Variants in PRKG1 observed in about 807,000 individuals in gnomAD.
The protein encoded by PRKG1 is cGMP-dependent protein kinase 1.
PRKG1 carries 35 observed loss-of-function variants against 88.1 expected under a neutral mutation model. The ratio of observed to expected loss-of-function variants is 0.40; its 90% CI spans 0.30 to 0.53. The LOEUF (loss-of-function observed/expected upper bound fraction) is 0.53. Ranked by LOEUF, PRKG1 falls within the 20% of genes least tolerant of loss-of-function variation. The probability of loss-of-function intolerance (pLI) is 0.59; values close to 1 mark genes in which losing one functional copy is unlikely to be tolerated. For synonymous variants in PRKG1, 303 were observed against 292.5 expected (o/e 1.04, Z -0.37); for missense variants, 540 against 839.8 (o/e 0.64, Z 4.41).
intron 1 of PRKG1, among the ~76,000 whole-genome samples, chr10:51,040,957 A>G (rs1467739954): frequency 6.6e-6 from 1 of 151,578 alleles, no homozygotes; most frequent in Admixed American, 6.7e-5. Flanking sequence ...TTCCTTTCCA[A>G]TTTGATGCCT....
chr10:52,156,594 G>A (rs1393320959), intron 8 of PRKG1, among the ~76,000 whole-genome samples: 1 of 151,692 alleles, frequency 6.6e-6, no homozygotes, highest in South Asian at 2.1e-4. Flanking sequence ...TTATTTGGGG[G>A]TAATTTTTTC....
At chr10:52,002,872 T>C (rs1411222238) in intron 5 of PRKG1, among the ~76,000 whole-genome samples, 1 of 152,170 alleles carries the variant, frequency 6.6e-6, no homozygotes, top group East Asian at 1.9e-4. Flanking sequence ...CCAATTAAAA[T>C]ATTTTTTTTT....
chr10:52,151,001 G>C (rs1837897841), intron 8 of PRKG1, among the ~76,000 whole-genome samples: 1 of 110,134 alleles, frequency 9.1e-6, no homozygotes, highest in Non-Finnish European at 2.0e-5. Flanking sequence ...TTTGTTTTTA[G>C]ACAATTTTGA....
At chr10:51,949,459 A>AATAT (rs145622381) in intron 5 of PRKG1, among the ~76,000 whole-genome samples, 3 of 150,376 alleles carry the variant, frequency 2.0e-5, no homozygotes, top group African/African-American at 7.3e-5. Context: ...TAAATAAATA[A>AATAT]ATATATATAT....
intron 1 of PRKG1, among the ~76,000 whole-genome samples, chr10:51,035,616 C>T (rs978701326): frequency 1.1e-4 from 17 of 152,238 alleles, no homozygotes; most frequent in South Asian, 8.3e-4. Context: ...CAGCACCTAG[C>T]GCAATCCTTT....
intron 3 of PRKG1, among the ~76,000 whole-genome samples, chr10:51,614,182 A>G (rs1838984987): frequency 6.6e-6 from 1 of 151,920 alleles, no homozygotes; most frequent in Non-Finnish European, 1.5e-5. Context: ...TGTTTGGTGC[A>G]TACATATTTT....
At chr10:51,134,291 G>A (rs1156841462) in intron 1 of PRKG1, among the ~76,000 whole-genome samples, 6 of 152,060 alleles carry the variant, frequency 3.9e-5, no homozygotes, top group African/African-American at 9.7e-5. Flanking sequence ...GGGGAGTTTC[G>A]TCATTACTTC....
chr10:51,575,342 A>C (rs938755263), intron 3 of PRKG1, among the ~76,000 whole-genome samples: 2 of 151,952 alleles, frequency 1.3e-5, no homozygotes, highest in African/African-American at 4.8e-5. Context: ...GACCAACACC[A>C]CACTGCAGTT....
intron 3 of PRKG1, among the ~76,000 whole-genome samples, chr10:51,538,412 T>C (rs976534623): frequency 9.4e-5 from 14 of 148,542 alleles, no homozygotes; most frequent in Non-Finnish European, 1.9e-4. Context: ...TACATATACA[T>C]ATAATATATG....
At chr10:51,261,710 T>C (rs886265329) in intron 2 of PRKG1, among the ~76,000 whole-genome samples, 2 of 147,618 alleles carry the variant, frequency 1.4e-5, no homozygotes, top group Non-Finnish European at 3.0e-5. Flanking sequence ...TTCTCATCAT[T>C]CTCTGAAGCA....
intron 2 of PRKG1, among the ~76,000 whole-genome samples, chr10:51,434,351 C>A (rs1838861445): frequency 1.3e-5 from 2 of 152,080 alleles, no homozygotes; most frequent in African/African-American, 4.8e-5. Flanking sequence ...TGAAAGGGGG[C>A]AAACTGCACC....
chr10:51,363,357 C>G (rs1449722128), intron 2 of PRKG1, among the ~76,000 whole-genome samples: 1 of 151,928 alleles, frequency 6.6e-6, no homozygotes. Context: ...CTTTTCATCT[C>G]TCACGGAATC....
At chr10:51,906,848 T>C (rs57317098) in intron 4 of PRKG1, among the ~76,000 whole-genome samples, 178 of 152,284 alleles carry the variant, frequency 1.2e-3, no homozygotes, top group African/African-American at 4.2e-3. Flanking sequence ...AAGGAATATA[T>C]TTTGGGGTAA....
chr10:52,130,990 C>G (rs1327451474), intron 7 of PRKG1, among the ~76,000 whole-genome samples: 3 of 152,158 alleles, frequency 2.0e-5, no homozygotes. Context: ...GTTTGATTAT[C>G]TCACTTAATA....
At chr10:51,364,036 C>T (rs1564462854) in intron 2 of PRKG1, among the ~76,000 whole-genome samples, 1 of 151,976 alleles carries the variant, frequency 6.6e-6, no homozygotes, top group Non-Finnish European at 1.5e-5. Flanking sequence ...ACTGACCTCT[C>T]TTTTCCTGGG....
intron 3 of PRKG1, among the ~76,000 whole-genome samples, chr10:51,763,437 T>G (rs2132531665): frequency 6.6e-6 from 1 of 151,996 alleles, no homozygotes; most frequent in Admixed American, 6.5e-5. Context: ...AAAAAAATTT[T>G]TATAGAGGTC....
At chr10:51,836,707 C>CA (rs1229508770) in intron 4 of PRKG1, among the ~76,000 whole-genome samples, 2 of 151,896 alleles carry the variant, frequency 1.3e-5, no homozygotes, top group African/African-American at 4.8e-5. Flanking sequence ...ATCCACTAAC[C>CA]AAAAAACCCT....
intron 3 of PRKG1, among the ~76,000 whole-genome samples, chr10:51,506,901 C>G (rs575841911): frequency 1.3e-5 from 2 of 152,160 alleles, no homozygotes; most frequent in Non-Finnish European, 2.9e-5. Context: ...GGAACCAAGA[C>G]AAATGTCCAA....
intron 9 of PRKG1, among the ~76,000 whole-genome samples, chr10:52,176,538 TA>T (rs1210272351): frequency 1.3e-5 from 2 of 152,142 alleles, no homozygotes; most frequent in African/African-American, 4.8e-5. Flanking sequence ...TTAAGATTTT[TA>T]TTTATTTTTC....
Sources: gnomAD v4.1 joint callset for allele counts (sites outside exome capture counted in the v4.1 genomes callset) on GRCh38, gnomAD v4.1.1 for gene constraint, MANE v1.5 for transcripts, NCBI Gene and HGNC (gene_info 2026-07-23, HGNC 2026-07-21) for gene names.